ZNF536: variants seen among roughly 807,000 people sequenced by gnomAD.
The protein encoded by ZNF536 is zinc finger protein 536.
Under a neutral mutation model 84.5 loss-of-function variants are expected in ZNF536, and 13 were observed. The ratio of observed to expected loss-of-function variants is 0.15; its 90% CI spans 0.10 to 0.24. The LOEUF is 0.24. Among genes scored for constraint, ZNF536 ranks in the 10% least tolerant of loss-of-function variants. The pLI is 1.00. For synonymous variants in ZNF536, 811 were observed against 742.5 expected, an observed-to-expected ratio of 1.09 and a Z score of -1.50; for missense variants, 1,536 against 1,747.5, an observed-to-expected ratio of 0.88 and a Z score of 2.16.
At chr19:30,292,646 G>A (rs2045880537) in intron 2 of ZNF536, among the ~76,000 whole-genome samples, 1 of 151,952 alleles carries the variant, frequency 6.6e-6, no homozygotes, top group South Asian at 2.1e-4. Flanking sequence ...GGTGTTTTTA[G>A]TAAGCCTGAG....
intron 1 of ZNF536, among the ~76,000 whole-genome samples, chr19:30,590,767 C>T (rs2047249447): frequency 6.6e-6 from 1 of 152,208 alleles, no homozygotes; most frequent in Non-Finnish European, 1.5e-5. Context: ...GAGGCTTGGA[C>T]TTGATTGCTT....
rs1377513217 is a variant in ZNF536, at chr19:30,549,249, G to A, written c.3630G>A (p.Gln1210=). Residue 1210 remains glutamine (Q), a synonymous_variant, in exon 4 of 5, where the codon CAG becomes CAA. Coordinates refer to ENST00000355537, the MANE Select transcript of ZNF536 (RefSeq NM_014717.3). ...DSSSDGGDSL[Q]PTGTSQPVQG... ...GCAGCGATGGCGGGGACAGCCTGCAGCCCACAGGCACCTCCCAGCCCGTCC... is the reference window on the plus strand; with the variant it reads ...GCAGCGATGGCGGGGACAGCCTGCAACCCACAGGCACCTCCCAGCCCGTCC... 3.1e-6 allele frequency: 5 copies of A among 1,613,956 alleles called. No individual in the cohort carries two copies.
chr19:30,384,210 C>CCTTCCCT (rs1568378415), intron 1 of ZNF536, among the ~76,000 whole-genome samples: 1 of 36,966 alleles, frequency 2.7e-5, no homozygotes, highest in Non-Finnish European at 4.2e-5. Context: ...CTTCCATCCT[C>CCTTCCCT]CCTCCCTCCC....
intron 1 of ZNF536, among the ~76,000 whole-genome samples, chr19:30,598,835 TTTC>T (rs761328131): frequency 4.8e-4 from 73 of 151,988 alleles, no homozygotes; most frequent in Non-Finnish European, 9.0e-4. Context: ...TTGGGAAAAA[TTTC>T]TTCTCTCTTT....
intron 3 of ZNF536, among the ~76,000 whole-genome samples, chr19:30,355,628 C>T (rs1361845745): frequency 6.6e-6 from 1 of 151,950 alleles, no homozygotes; most frequent in Non-Finnish European, 1.5e-5. Context: ...GGGCTTAAAC[C>T]AGGGGTCCCC....
chr19:30,595,369 C>G (rs1238143156), intron 1 of ZNF536, among the ~76,000 whole-genome samples: 3 of 152,086 alleles, frequency 2.0e-5, no homozygotes, highest in African/African-American at 7.2e-5. Context: ...TTCACTGCAG[C>G]CTTGATCTCC....
intron 1 of ZNF536, among the ~76,000 whole-genome samples, chr19:30,392,685 G>C (rs2049647686): frequency 6.6e-6 from 1 of 152,206 alleles, no homozygotes; most frequent in African/African-American, 2.4e-5. Flanking sequence ...CAAACAAAGA[G>C]TTATGAGTGC....
intron 1 of ZNF536, among the ~76,000 whole-genome samples, chr19:30,265,247 G>T (rs775882023): frequency 6.6e-6 from 1 of 152,082 alleles, no homozygotes; most frequent in Admixed American, 6.5e-5. Context: ...CCAAATGCTC[G>T]GGTGCAATCC....
intron 2 of ZNF536, among the ~76,000 whole-genome samples, chr19:30,467,074 C>T (rs372400728): frequency 2.0e-5 from 3 of 152,238 alleles, no homozygotes; most frequent in African/African-American, 4.8e-5. Context: ...CTCCTGACCT[C>T]GTGATCCTCC....
intron 2 of ZNF536, among the ~76,000 whole-genome samples, chr19:30,464,832 C>G (rs139013822): frequency 2.6e-5 from 4 of 152,054 alleles, no homozygotes; most frequent in Non-Finnish European, 5.9e-5. Flanking sequence ...CTCCTCCTGC[C>G]CGAGTTCCTT....
intron 1 of ZNF536, among the ~76,000 whole-genome samples, chr19:30,669,514 C>T (rs2050461669): frequency 6.6e-6 from 1 of 152,226 alleles, no homozygotes; most frequent in Admixed American, 6.5e-5. Context: ...CAGGCCACTT[C>T]CGCAGGCAGG....
intron 1 of ZNF536, among the ~76,000 whole-genome samples, chr19:30,672,171 C>T (rs567516925): frequency 6.6e-6 from 1 of 152,328 alleles, no homozygotes; most frequent in Admixed American, 6.5e-5. Context: ...AAATAGCTTC[C>T]CCTTTTATTC....
chr19:30,629,184 A>G (rs1435126870), intron 1 of ZNF536, among the ~76,000 whole-genome samples: 2 of 151,826 alleles, frequency 1.3e-5, no homozygotes, highest in Admixed American at 1.3e-4. Flanking sequence ...AGTGCTAGAC[A>G]ATTGCCTTTT....
intron 1 of ZNF536, among the ~76,000 whole-genome samples, chr19:30,282,207 A>G (rs943697067): frequency 1.3e-5 from 2 of 152,182 alleles, no homozygotes; most frequent in Admixed American, 1.3e-4. Flanking sequence ...TTCTTTTCCT[A>G]AGGGCCCAGT....
At chr19:30,395,957 A>C (rs2049798225) in intron 1 of ZNF536, among the ~76,000 whole-genome samples, 1 of 152,182 alleles carries the variant, frequency 6.6e-6, no homozygotes, top group South Asian at 2.1e-4. Context: ...AATTGTTACC[A>C]CTGATGAACT....
chr19:30,470,848 G>A (rs921325576), intron 2 of ZNF536, among the ~76,000 whole-genome samples: 2 of 151,956 alleles, frequency 1.3e-5, no homozygotes, highest in East Asian at 3.9e-4. Flanking sequence ...ACCACGTCCA[G>A]CTACTCTTTT....
intron 1 of ZNF536, among the ~76,000 whole-genome samples, chr19:30,707,854 A>G (rs2052304649): frequency 6.6e-6 from 1 of 151,948 alleles, no homozygotes; most frequent in African/African-American, 2.4e-5. Context: ...TACTAAAAAT[A>G]CAAAAATTAG....
intron 1 of ZNF536, among the ~76,000 whole-genome samples, chr19:30,276,782 C>T (rs2026154294): frequency 6.6e-6 from 1 of 152,028 alleles, no homozygotes. Context: ...GAACATTAAG[C>T]TCACGTCACC....
intron 2 of ZNF536, among the ~76,000 whole-genome samples, chr19:30,522,267 A>ATGTGTATATT (rs138930737): frequency 5.2e-5 from 5 of 95,430 alleles, no homozygotes; most frequent in African/African-American, 1.4e-4. Flanking sequence ...ATATACATAT[A>ATGTGTATATT]TATATACATA....
Sources: gnomAD v4.1 joint callset for allele counts (sites outside exome capture counted in the v4.1 genomes callset) on GRCh38, gnomAD v4.1.1 for gene constraint, MANE v1.5 for transcripts, NCBI Gene and HGNC (gene_info 2026-07-23, HGNC 2026-07-21) for gene names.